TOR1AIP2: variants seen among roughly 807,000 people sequenced by gnomAD.
TOR1AIP2 encodes torsin-1A-interacting protein 2.
In TOR1AIP2, 20 loss-of-function variants were observed where a neutral mutation model predicts 32.6. That is an observed-to-expected ratio of 0.61 (90% confidence interval 0.43 to 0.89). The LOEUF (loss-of-function observed/expected upper bound fraction) is 0.89, where lower values mean the gene tolerates loss of function less well. Ranked by LOEUF, TOR1AIP2 falls within the 40% of genes least tolerant of loss-of-function variation. The pLI, the probability that TOR1AIP2 is intolerant of heterozygous loss-of-function variation, is 0.00. For missense variants in TOR1AIP2, 456 were observed against 553.8 expected, an observed-to-expected ratio of 0.82 and a Z score of 1.77; for synonymous variants, 214 against 210.8, an observed-to-expected ratio of 1.02 and a Z score of -0.13.
At position 179,851,092 on chromosome 1, in the gene TOR1AIP2, G is replaced by A. The variant is rs1047814906; in HGVS notation, c.306C>T (p.His102=). 2 of 1,614,192 alleles carry A rather than the reference G, an allele frequency of 1.2e-6. No homozygotes were observed. Among genetic ancestry groups the A allele is most frequent in the Admixed American group, 1.7e-5 (1 of 60,016 alleles). ...CTTTACCCAGATTTTCTGAAGGGAG[G>A]TGATGCCCTTTTCCGCCATCCAGAA... ...QSFLDGGKGH[H]LPSENLGKEP... The change falls in exon 5 of 7, where the codon CAC becomes CAT. Residue 102 remains histidine (H), a synonymous_variant. Coordinates refer to ENST00000609928, the MANE Select transcript of TOR1AIP2 (RefSeq NM_001199260.2).
chr1:179,868,252 A>C (rs928191932), intron 2 of TOR1AIP2: 2 of 152,198 alleles, frequency 1.3e-5, no homozygotes, highest in African/African-American at 4.8e-5. Context: ...AAGTACTACT[A>C]GGCTTGCTTT....
intron 2 of TOR1AIP2, chr1:179,869,008 ACT>A (rs1222636141): frequency 6.6e-5 from 10 of 152,218 alleles, no homozygotes; most frequent in Non-Finnish European, 1.5e-4. Context: ...ATGCCCGGCT[ACT>A]TTTGTATTTT....
At chr1:179,858,400 AGAGGG>A (rs1327478179) in intron 3 of TOR1AIP2, among the ~76,000 whole-genome samples, 2 of 152,172 alleles carry the variant, frequency 1.3e-5, no homozygotes, top group African/African-American at 4.8e-5. Context: ...AAGGAATAAG[AGAGGG>A]TGTCAACTGT....
rs1210429674 is a variant in TOR1AIP2, at chr1:179,863,343, T to C, written c.-147+2093A>G. The C allele has an allele frequency of 3.0e-6, 3 of 984,650 alleles. No homozygotes were observed. The African/African-American group carries it at 5.3e-5, about 17-fold the overall frequency. 61.0% of individuals were successfully genotyped at this position (984,650 alleles called of 1,614,324 possible). ...TTTCCCAGGCTCCCTTGTAAACTGGTACTTTCTAATGAGATGTAAGAAGAA... is the reference window on the plus strand; with the variant it reads ...TTTCCCAGGCTCCCTTGTAAACTGGCACTTTCTAATGAGATGTAAGAAGAA... On this transcript the variant is annotated intron_variant, in intron 3 of 6. Transcript: ENST00000609928.
intron 3 of TOR1AIP2, chr1:179,858,907 C>T: frequency 3.2e-6 from 2 of 620,896 alleles, no homozygotes; most frequent in Non-Finnish European, 4.0e-6. Flanking sequence ...AGTACTAAGA[C>T]CATTTTTTAA....
intron 3 of TOR1AIP2, among the ~76,000 whole-genome samples, chr1:179,857,827 G>A (rs1696364136): frequency 6.6e-6 from 1 of 152,054 alleles, no homozygotes; most frequent in South Asian, 2.1e-4. Context: ...AACTATAAAA[G>A]TTACTATTTA....
chr1:179,860,865 A>G (rs1696500858), intron 3 of TOR1AIP2: 1 of 985,280 alleles, frequency 1.0e-6, no homozygotes, highest in African/African-American at 1.7e-5. Flanking sequence ...GGCTCATCTC[A>G]CTTTTACAGA....
chr1:179,865,419 T>C lies in TOR1AIP2; in HGVS notation c.-147+17A>G. The stretch of plus-strand genomic sequence containing the variant: ...ACTCAGGGACCGATCCAGTTTATAA[T>C]GTTATCAGTCACTTACTAGCAGTAC... On this transcript the variant is annotated intron_variant, in intron 3 of 6. Coordinates refer to ENST00000609928, the MANE Select transcript of TOR1AIP2 (RefSeq NM_001199260.2). The C allele has an allele frequency of 5.8e-6, 3 of 516,586 alleles. No homozygotes were observed. Among genetic ancestry groups the C allele is most frequent in the Non-Finnish European group, 1.0e-5 (3 of 294,000 alleles). 32.0% of individuals were successfully genotyped at this position (516,586 alleles called of 1,614,324 possible).
rs139945443 is a variant in TOR1AIP2 at position 179,851,228 on chromosome 1, T to C, written c.170A>G (p.Glu57Gly). The change falls in exon 5 of 7, where the codon GAG (glutamate) becomes GGG (glycine). Residue 57 changes from glutamate to glycine, a missense_variant. Transcript: ENST00000609928. ...ATCTGCACTTTCTGGACCTTCTGTC[T>C]CTACCTCTTGGTGGTCTTTGCTAAG... ...CGLSKDHQEV[E>G]TEGPESADTG... The C allele has an allele frequency of 2.5e-6, 4 of 1,613,498 alleles. No individual in the cohort carries two copies. In the African/African-American group the frequency reaches 4.0e-5, roughly 16 times the overall value.
chr1:179,866,459 C>G (rs1336563895), intron 2 of TOR1AIP2, among the ~76,000 whole-genome samples: 1 of 152,074 alleles, frequency 6.6e-6, no homozygotes, highest in Admixed American at 6.5e-5. Context: ...GTTGCCCAGG[C>G]TGGAGTGCAA....
Position 179,850,975 on chromosome 1 carries a change from C to T in TOR1AIP2, c.423G>A (p.Lys141=). 6.2e-7 allele frequency: 1 copy of T among 1,614,180 alleles called. No homozygotes were observed. Among genetic ancestry groups the T allele is most frequent in the South Asian group, 1.1e-5 (1 of 91,082 alleles). Residue 141 remains lysine (K), a synonymous_variant, in exon 5 of 7, where the codon AAG becomes AAA. Coordinates refer to ENST00000609928, the MANE Select transcript of TOR1AIP2 (RefSeq NM_001199260.2). ...ATGCTCCAGTTCCGTCACTCGCTTCCTTAGGGAGGGCCACAGAGCTGCTCC... is the reference window on the plus strand; with the variant it reads ...ATGCTCCAGTTCCGTCACTCGCTTCTTTAGGGAGGGCCACAGAGCTGCTCC... ...HLGSSSVALP[K]EASDGTGASQ... is the part of the protein sequence containing the mutation.
Position 179,850,918 on chromosome 1 carries a change from C to T in TOR1AIP2, c.480G>A (p.Glu160=). The stretch of plus-strand genomic sequence containing the variant: ...CACTGGAATGACCAGGACTCTGGGC[C>T]TCCTGGGAGTCTGTAGTAGGTGGTT... ...SQEPPTTDSQ[E]AQSPGHSSAG... Residue 160 remains glutamate, a synonymous_variant, in exon 5 of 7, where the codon GAG becomes GAA. Transcript: ENST00000609928. The T allele has an allele frequency of 6.2e-7, 1 of 1,614,184 alleles. No homozygotes were observed.
chr1:179,855,469 C>T (rs951358228), intron 3 of TOR1AIP2, among the ~76,000 whole-genome samples: 18 of 152,026 alleles, frequency 1.2e-4, no homozygotes, highest in Non-Finnish European at 2.4e-4. Context: ...AAAAAACAGT[C>T]AAAGAAATAC....
intron 3 of TOR1AIP2, among the ~76,000 whole-genome samples, chr1:179,855,171 T>C (rs1344842620): frequency 6.6e-6 from 1 of 152,206 alleles, no homozygotes; most frequent in Non-Finnish European, 1.5e-5. Flanking sequence ...AATATCTTTA[T>C]AACTGCAAGG....
chr1:179,874,404 T>C (rs531094954), intron 2 of TOR1AIP2: 2 of 150,762 alleles, frequency 1.3e-5, no homozygotes, highest in Non-Finnish European at 1.5e-5. Context: ...ACACAGCAAG[T>C]CCTTGTCTCA....
chr1:179,855,679 A>C (rs923642150), intron 3 of TOR1AIP2, among the ~76,000 whole-genome samples: 1 of 152,198 alleles, frequency 6.6e-6, no homozygotes, highest in African/African-American at 2.4e-5. Flanking sequence ...CAGCAACTCC[A>C]TTTTTAGACG....
At chr1:179,876,952 C>T (rs1370052409) in intron 2 of TOR1AIP2, among the ~76,000 whole-genome samples, 1 of 150,942 alleles carries the variant, frequency 6.6e-6, no homozygotes, top group Non-Finnish European at 1.5e-5. Flanking sequence ...GGTAGGAGGT[C>T]TTACTAAAAC....
chr1:179,852,452 G>T (rs1478832685), intron 4 of TOR1AIP2, among the ~76,000 whole-genome samples, 180 bp downstream of exon 4: 1 of 151,972 alleles, frequency 6.6e-6, no homozygotes, highest in Non-Finnish European at 1.5e-5. Flanking sequence ...TATAATTAGG[G>T]TCTCGCATTA....
intron 3 of TOR1AIP2, among the ~76,000 whole-genome samples, chr1:179,858,698 C>T (rs1327715967): frequency 6.6e-6 from 1 of 152,178 alleles, no homozygotes; most frequent in African/African-American, 2.4e-5. Flanking sequence ...GACATTTTGT[C>T]ACAACCAGCT....
Sources: gnomAD v4.1 joint callset for allele counts (sites outside exome capture counted in the v4.1 genomes callset) on GRCh38, gnomAD v4.1.1 for gene constraint, MANE v1.5 for transcripts, NCBI Gene and HGNC (gene_info 2026-07-23, HGNC 2026-07-21) for gene names.